TFE3: variants seen among roughly 807,000 people sequenced by gnomAD.
TFE3 encodes the protein transcription factor E3.
A neutral mutation model predicts 35.0 loss-of-function variants in TFE3; 5 were observed. The observed-to-expected ratio is 0.14, with a 90% CI of 0.07 to 0.30. The LOEUF is 0.30. Among genes scored for constraint, TFE3 ranks in the 10% least tolerant of loss-of-function variants. The pLI, the probability that TFE3 is intolerant of heterozygous loss-of-function variation, is 1.00. For missense variants in TFE3, 374 were observed against 496.6 expected (o/e 0.75, Z 2.35); for synonymous variants, 211 against 215.6 (o/e 0.98, Z 0.18).
chrX:49,030,612 T>C lies in TFE3; in HGVS notation c.1285-11A>G, dbSNP rs374071577. 156 of 1,190,999 alleles carry C rather than the reference T, an allele frequency of 1.3e-4. No individual in the cohort carries two copies. The highest frequency in any genetic ancestry group is 2.3e-4 in the Middle Eastern group (1 of 4,264). On this transcript the variant is annotated splice_polypyrimidine_tract_variant and intron_variant, in intron 9 of 9. Transcript: ENST00000315869. Reference sequence around the variant, plus strand: ...CTGCAGTTCTAGTTCCTGTAAAAAATAGGGGTTGGGTGCAGGATAAGTAGG... The same window carrying C: ...CTGCAGTTCTAGTTCCTGTAAAAAACAGGGGTTGGGTGCAGGATAAGTAGG...
At chrX:49,035,939 G>A (rs1419771983) in intron 5 of TFE3, among the ~76,000 whole-genome samples, 1 of 110,289 alleles carries the variant, frequency 9.1e-6, no homozygotes, top group Non-Finnish European at 1.9e-5. Context: ...GGAGGCCGAG[G>A]TGGGCAGATG....
At position 49,029,648 on chromosome X, in the gene TFE3, G is replaced by A. The variant is rs782282065; in HGVS notation, c.*510C>T. 10 of 414,881 alleles carry A rather than the reference G, an allele frequency of 2.4e-5. No individual in the cohort carries two copies. The highest frequency in any genetic ancestry group is 2.1e-4 in the African/African-American group (9 of 42,099). The allele number at this position is 414,881 out of a possible 1,213,427, so 34.2% of individuals were successfully genotyped here. A position where few individuals can be genotyped will look rare whatever the true frequency, so the allele number is the denominator to read the frequency against. On this transcript the variant is annotated 3_prime_UTR_variant, in exon 10 of 10. Transcript: ENST00000315869. ...CTGGGCAGAGCAGGGCAGGGTTCAT[G>A]GGGAAGGGGCAGAGCTTAAACCCCC...
At chrX:49,032,673 CTT>C (rs782306525) in intron 8 of TFE3, among the ~76,000 whole-genome samples, 4 of 93,970 alleles carry the variant, frequency 4.3e-5, no homozygotes, top group Admixed American at 1.2e-4. Context: ...ACCCGGCCAT[CTT>C]TTTTTTTTTT....
chrX:49,040,693 T>C, intron 1 of TFE3, 125 bp from the exon 2 acceptor site: 1 of 478,024 alleles, frequency 2.1e-6, no homozygotes, highest in Non-Finnish European at 3.6e-6. Flanking sequence ...GCCCCTCATA[T>C]TTGGCCACCT....
chrX:49,042,017 ACC>A (rs57761854), intron 1 of TFE3, among the ~76,000 whole-genome samples: 5 of 105,413 alleles, frequency 4.7e-5, no homozygotes, highest in East Asian at 3.0e-4. Flanking sequence ...GGAGGCAAAG[ACC>A]CCCCCCCACC....
chrX:49,040,820 A>AC (rs1170546732), intron 1 of TFE3, among the ~76,000 whole-genome samples: 1 of 106,328 alleles, frequency 9.4e-6, no homozygotes, highest in Non-Finnish European at 1.9e-5. Context: ...CTGCATCCCA[A>AC]CCCCCACACT....
In TFE3 at chrX:49,040,578, AGGTGGAGT is replaced by A; in HGVS notation, c.117-18_117-11del. Reference sequence around the variant, plus strand: ...AAGCAAAGAGTTCAGGCTGAGGGGGAGGTGGAGTGGTGGTCAGTGATTGAATGAAGGAC... The same window carrying A: ...AAGCAAAGAGTTCAGGCTGAGGGGGAGGTGGTCAGTGATTGAATGAAGGAC... On this transcript the variant is annotated splice_polypyrimidine_tract_variant and intron_variant, in intron 1 of 9. Transcript: ENST00000315869. The A allele has an allele frequency of 8.8e-7, 1 of 1,137,383 alleles. No individual in the cohort carries two copies. The allele number at this position is 1,137,383 out of a possible 1,213,427, so 93.7% of individuals were successfully genotyped here.
In TFE3 at chrX:49,030,364, C is replaced by G; in HGVS notation, c.1522G>C (p.Asp508His). 8.3e-7 allele frequency: 1 copy of G among 1,207,779 alleles called. No homozygotes were observed. Among genetic ancestry groups the G allele is most frequent in the African/African-American group, 1.8e-5 (1 of 57,003 alleles). Residue 508 changes from aspartate (D) to histidine (H), a missense_variant, in exon 10 of 10, where the codon GAC becomes CAC. Coordinates refer to ENST00000315869, the MANE Select transcript of TFE3 (RefSeq NM_006521.6). ...DALLDLHFPSDHLGDLGDPFH... is the reference protein window; with the variant it reads ...DALLDLHFPSHHLGDLGDPFH... ...GGGTCTCCCAGGTCCCCCAGGTGGT[C>G]GCTGGGAAAGTGCAGGTCCAGAAGG...
Position 49,034,153 on chromosome X carries a change from G to T in TFE3, c.984C>A (p.Asn328Lys). Residue 328 changes from asparagine to lysine, a missense_variant, in exon 6 of 10, where the codon AAC becomes AAA. Physicochemically the swap from Asn to Lys is moderately conservative, Grantham distance 94. Transcript: ENST00000315869. ...VSNSCPAELP[N>K]IKREISETEA... ...ACCTACCAGAGATCTCCCGTTTGAT[G>T]TTGGGCAGCTCAGCTGGGCAGGAGT... The T allele has an allele frequency of 8.3e-7, 1 of 1,210,428 alleles. No homozygotes were observed. The highest frequency in any genetic ancestry group is 1.7e-5 in the African/African-American group (1 of 57,942).
intron 3 of TFE3, 31 bp downstream of exon 3, chrX:49,039,076 C>A (rs782455447): frequency 1.9e-5 from 21 of 1,122,639 alleles, no homozygotes; most frequent in Non-Finnish European, 2.3e-5. Context: ...CACCAGGAGC[C>A]CCCTCCCAGG....
Position 49,039,178 on chromosome X carries a change from C to T in TFE3, c.463G>A (p.Val155Ile), listed in dbSNP as rs782426041. ...GTGTGGCCCCCAGCAGAGACGCCAA[C>T]CACAGAGATGGCAGGAGAGGCAGGT... is the stretch of plus-strand genomic sequence containing the variant. ...PAPASPAISV[V>I]GVSAGGHTLS... The change falls in exon 3 of 10, where the codon GTT becomes ATT. Residue 155 changes from valine to isoleucine, a missense_variant. Physicochemically the swap from Val to Ile is conservative, Grantham distance 29 (BLOSUM62 3). Transcript: ENST00000315869. The T allele has an allele frequency of 2.5e-6, 3 of 1,206,314 alleles. No individual in the cohort carries two copies. Among genetic ancestry groups the T allele is most frequent in the East Asian group, 3.0e-5 (1 of 33,642 alleles).
At chrX:49,037,049 A>G (rs1466889379) in intron 5 of TFE3, among the ~76,000 whole-genome samples, 1 of 112,183 alleles carries the variant, frequency 8.9e-6, no homozygotes, top group Non-Finnish European at 1.9e-5. Context: ...CACACCTGTA[A>G]TTCCAGCACT....
chrX:49,033,908 A>C, intron 6 of TFE3, 126 bp from the exon 7 acceptor site: 8 of 819,472 alleles, frequency 9.8e-6, no homozygotes, highest in Non-Finnish European at 1.1e-5. Context: ...CCTTCTTTTT[A>C]CTATTTTAAG....
At position 49,039,353 on chromosome X, in the gene TFE3, A is replaced by G. The variant is rs1569521360; in HGVS notation, c.288T>C (p.Ser96=). The G allele has an allele frequency of 8.3e-7, 1 of 1,206,810 alleles. No homozygotes were observed. Among genetic ancestry groups the G allele is most frequent in the Non-Finnish European group, 1.1e-6 (1 of 893,002 alleles). ...PATPATLSAS[S]SAGGSRTPAM... ...CAGGGGTCCTGGAGCCCCCTGCAGA[A>G]GACGATGCAGAGAGTGTAGCTGGGG... The change falls in exon 3 of 10, where the codon TCT becomes TCC. Residue 96 remains serine, a synonymous_variant. Coordinates refer to ENST00000315869, the MANE Select transcript of TFE3 (RefSeq NM_006521.6).
At position 49,030,268 on chromosome X, in the gene TFE3, C is replaced by T. The variant is rs782608594; in HGVS notation, c.1618G>A (p.Ala540Thr). 8 of 1,207,813 alleles carry T rather than the reference C, an allele frequency of 6.6e-6. No individual in the cohort carries two copies. Among genetic ancestry groups the T allele is most frequent in the Non-Finnish European group, 9.0e-6 (8 of 893,432 alleles). Residue 540 changes from alanine (A) to threonine (T), a missense_variant, in exon 10 of 10, where the codon GCC (alanine) becomes ACC (threonine). Physicochemically the swap from Ala to Thr is moderately conservative, Grantham distance 58. Transcript: ENST00000315869. ...EGVVGGLSGG[A>T]LSPLRAASDP... ...GAGGCAGCCCGCAGTGGGGACAGGG[C>T]ACCCCCCGACAGTCCTCCCACCACC...
chrX:49,032,769 G>A lies in TFE3; in HGVS notation c.1136+696C>T, dbSNP rs1156713237. Among the ~76,000 whole-genome samples the A allele has an allele frequency of 3.7e-5, 4 of 109,318 alleles. No individual in the cohort carries two copies. The Admixed American group carries it at 3.9e-4, about 11-fold the overall frequency. The allele number at this position is 109,318 out of a possible 115,157, so 94.9% of individuals were successfully genotyped here. On this transcript the variant is annotated intron_variant, in intron 8 of 9. Coordinates refer to ENST00000315869, the MANE Select transcript of TFE3 (RefSeq NM_006521.6). ...GGCTCACTGCAACCTCCACCTCCCG[G>A]GTTCAAGTGATTCTCCTGCCTCAGC...
intron 8 of TFE3, 130 bp downstream of exon 8, chrX:49,033,335 T>A: frequency 1.7e-6 from 1 of 590,297 alleles, no homozygotes; most frequent in Non-Finnish European, 2.6e-6. Flanking sequence ...CTGCTCAGGC[T>A]GAGAAAGAAC....
At chrX:49,032,794 C>T (rs2064706909) in intron 8 of TFE3, among the ~76,000 whole-genome samples, 1 of 111,075 alleles carries the variant, frequency 9.0e-6, no homozygotes, top group Non-Finnish European at 1.9e-5. Context: ...CCTGCCTCAG[C>T]ATCCCGAGTA....
In TFE3 at chrX:49,038,058, C is replaced by G. The variant is rs2064739957; in HGVS notation, c.837G>C (p.Met279Ile). The G allele has an allele frequency of 2.5e-6, 3 of 1,205,490 alleles. No homozygotes were observed. The highest frequency in any genetic ancestry group is 3.4e-6 in the Non-Finnish European group (3 of 892,697). The change falls in exon 5 of 10, where the codon ATG (methionine) becomes ATC (isoleucine). Residue 279 changes from methionine to isoleucine, a missense_variant. Met to Ile is a conservative substitution (Grantham distance 10). Around this residue, in one of 3 missense-constraint regions of TFE3, gnomAD observed 167 missense variants for 297.2 expected, o/e 0.56. Transcript: ENST00000315869. ...TGGTGCCTCCGGGCAGATAGCTGAG[C>G]ATTTCATCATTGTAACTGGACTCCA... The part of the protein sequence containing the change: ...ISLESSYNDE[M>I]LSYLPGGTTG...
Sources: gnomAD v4.1 joint callset for allele counts (sites outside exome capture counted in the v4.1 genomes callset) on GRCh38, gnomAD v4.1.1 for gene constraint, gnomAD v4.1.1 regional missense constraint, MANE v1.5 for transcripts, NCBI Gene and HGNC (gene_info 2026-07-23, HGNC 2026-07-21) for gene names.